Variants in TMPRSS9 observed in about 807,000 individuals in gnomAD.
The protein encoded by TMPRSS9 is transmembrane protease serine 9.
Under a neutral mutation model 111.4 loss-of-function variants are expected in TMPRSS9, and 113 were observed. The ratio of observed to expected loss-of-function variants is 1.01; its 90% confidence interval spans 0.87 to 1.19. TMPRSS9 has a LOEUF of 1.19. TMPRSS9 is among the 50% of genes most tolerant of loss of function. The pLI is 0.00. For missense variants in TMPRSS9, 1,803 were observed against 1,513.1 expected (o/e 1.19, Z -3.18); for synonymous variants, 805 against 659.1 (o/e 1.22, Z -3.39).
chr19:2,416,496 T>C, intron 11 of TMPRSS9, 42 bp from the exon 13 acceptor site: 10 of 1,574,200 alleles, frequency 6.4e-6, no homozygotes, highest in Non-Finnish European at 8.6e-6. Context: ...AAGGCGGGCA[T>C]GTGCTGGAGG....
At chr19:2,416,133 G>A (rs1326794423) in intron 11 of TMPRSS9, 5 of 435,466 alleles carry the variant, frequency 1.1e-5, no homozygotes, top group African/African-American at 1.0e-4. Flanking sequence ...CAGCTACTCA[G>A]GAGCGTGAGG....
intron 9 of TMPRSS9, among the ~76,000 whole-genome samples, chr19:2,412,833 A>G (rs1280549706): frequency 6.6e-6 from 1 of 152,156 alleles, no homozygotes; most frequent in African/African-American, 2.4e-5. Flanking sequence ...ACATGTGCTT[A>G]GATTGCCATA....
At chr19:2,371,795 G>A (rs1160420996) in intron 1 of TMPRSS9, among the ~76,000 whole-genome samples, 1 of 152,074 alleles carries the variant, frequency 6.6e-6, no homozygotes, top group African/African-American at 2.4e-5. Flanking sequence ...CTGACTCACT[G>A]GGTGACAGGG....
intron 13 of TMPRSS9, among the ~76,000 whole-genome samples, chr19:2,420,777 T>C (rs753413463): frequency 1.1e-4 from 16 of 152,214 alleles, no homozygotes; most frequent in Non-Finnish European, 2.1e-4. Context: ...AGTCTTTTCT[T>C]CCTATATATT....
exon 12 of TMPRSS9, chr19:2,416,763 C>A: frequency 6.2e-7 from 1 of 1,612,512 alleles, no homozygotes; most frequent in Non-Finnish European, 8.5e-7. Context: ...TCCCTGTGGG[C>A]CGGAAGTGCA....
intron 1 of TMPRSS9, among the ~76,000 whole-genome samples, chr19:2,371,579 C>A (rs1970290642): frequency 6.6e-6 from 1 of 152,106 alleles, no homozygotes; most frequent in Admixed American, 6.6e-5. Flanking sequence ...CACCTATAAT[C>A]TCCGCTACCT....
rs762440994 is a variant in TMPRSS9 at position 2,425,982 on chromosome 19, C to G, written c.3176C>G (p.Thr1059Ser). ...GAGCCCTCTGGACGGTGGGTGCTAA[C>G]TGGGGTCACTAGCTGGGGCTATGGC... is the stretch of plus-strand genomic sequence containing the variant. Residue 1059 changes from threonine to serine, a missense_variant, in exon 18 of 18, where the codon ACT becomes AGT. Thr to Ser is a moderately conservative substitution (Grantham distance 58). Coordinates refer to ENST00000648592, the Ensembl canonical transcript of TMPRSS9. 3.7e-6 allele frequency: 6 copies of G among 1,608,364 alleles called. No homozygotes were observed. The highest frequency in any genetic ancestry group is 4.2e-6 in the Non-Finnish European group (5 of 1,178,220).
chr19:2,382,770 C>T (rs1429837759), intron 1 of TMPRSS9, among the ~76,000 whole-genome samples: 1 of 151,888 alleles, frequency 6.6e-6, no homozygotes, highest in Non-Finnish European at 1.5e-5. Context: ...CAGATGCACA[C>T]ACGCACACAC....
chr19:2,361,454 T>TCGGAGC (rs914754868), intron 1 of TMPRSS9, among the ~76,000 whole-genome samples: 13 of 151,964 alleles, frequency 8.6e-5, no homozygotes, highest in Middle Eastern at 3.4e-3. Flanking sequence ...GTTCTCACCC[T>TCGGAGC]CGGAGCCGCT....
At chr19:2,384,350 A>C (rs1970427860) in intron 1 of TMPRSS9, among the ~76,000 whole-genome samples, 1 of 152,186 alleles carries the variant, frequency 6.6e-6, no homozygotes. Context: ...TTTGAGGTTA[A>C]GGTCTCTTGG....
chr19:2,376,500 C>T (rs1414817922), intron 1 of TMPRSS9, among the ~76,000 whole-genome samples: 3 of 151,918 alleles, frequency 2.0e-5, no homozygotes, highest in African/African-American at 4.8e-5. Context: ...TGTTCTGTTG[C>T]CCAGGCTGAA....
chr19:2,369,373 G>A (rs986014805), intron 1 of TMPRSS9, among the ~76,000 whole-genome samples: 1 of 152,156 alleles, frequency 6.6e-6, no homozygotes, highest in Admixed American at 6.6e-5. Context: ...GGATATGAGA[G>A]CTCAGTTTGG....
At chr19:2,413,868 C>T (rs2145369669) in exon 10 of TMPRSS9, 1 of 1,613,662 alleles carries the variant, frequency 6.2e-7, no homozygotes, top group East Asian at 2.2e-5. Context: ...AGCCAGCATG[C>T]CTCTGGCCCC....
intron 1 of TMPRSS9, among the ~76,000 whole-genome samples, chr19:2,391,764 G>A (rs1970603597): frequency 6.8e-6 from 1 of 147,892 alleles, no homozygotes; most frequent in Non-Finnish European, 1.5e-5. Flanking sequence ...TTGAGATGGA[G>A]TCTCACTCTG....
intron 5 of TMPRSS9, 46 bp from the exon 7 acceptor site, chr19:2,403,036 G>C (rs1970885267): frequency 1.4e-5 from 21 of 1,462,084 alleles, no homozygotes; most frequent in Non-Finnish European, 2.0e-5. Context: ...ACTCCAACCA[G>C]GAGATGTAGC....
intron 2 of TMPRSS9, 73 bp downstream of exon 3, chr19:2,396,739 C>T: frequency 6.6e-7 from 1 of 1,522,878 alleles, no homozygotes. Context: ...GAGGTGCTTT[C>T]CGTGTGGGAG....
rs1276061045 is a variant in TMPRSS9 at position 2,382,641 on chromosome 19, CCACACATGCACACATA to C, written c.-25-7106_-25-7091del. On this transcript the variant is annotated intron_variant, in intron 1 of 17. Transcript: ENST00000649857. Reference sequence around the variant, plus strand: ...ACACAAATGCACACGTACACACAGACCACACATGCACACATACACACATGCACACGTGCACACATAC... The same window carrying C: ...ACACAAATGCACACGTACACACAGACCACACATGCACACGTGCACACATAC... 3.3e-5 allele frequency among the ~76,000 whole-genome samples: 5 copies of C among 150,440 alleles called. No homozygotes were observed. In the South Asian group the frequency reaches 6.3e-4, roughly 19 times the overall value.
At chr19:2,408,762 G>A (rs1971026433) in intron 8 of TMPRSS9, 132 bp downstream of exon 9, 1 of 1,230,868 alleles carries the variant, frequency 8.1e-7, no homozygotes, top group South Asian at 1.5e-5. Context: ...GGATCACGAG[G>A]TCAGGCGTTT....
At chr19:2,378,287 G>A (rs932410289) in intron 1 of TMPRSS9, among the ~76,000 whole-genome samples, 1 of 152,156 alleles carries the variant, frequency 6.6e-6, no homozygotes, top group African/African-American at 2.4e-5. Context: ...CAACTGTCCT[G>A]GTTTGATTGG....
Sources: allele counts gnomAD v4.1 joint callset (sites outside exome capture counted in the v4.1 genomes callset), GRCh38; gene constraint gnomAD v4.1.1; transcripts MANE v1.5; gene names NCBI Gene and HGNC (gene_info 2026-07-23, HGNC 2026-07-21).